The following SEL1L2 variants were observed in gnomAD, a reference collection of about 807,000 sequenced individuals.
SEL1L2 encodes the protein SEL1L2 adaptor subunit of SYVN1 ubiquitin ligase, also known as protein sel-1 homolog 2.
In SEL1L2, 89 loss-of-function variants were observed where a neutral mutation model predicts 98.8. The ratio of observed to expected loss-of-function variants is 0.90; its 90% CI spans 0.76 to 1.07. The LOEUF is 1.07. SEL1L2 is among the 50% of genes least tolerant of loss of function. The pLI is 0.00. For synonymous variants in SEL1L2, 262 were observed against 278.5 expected (o/e 0.94, Z 0.59); for missense variants, 788 against 812.0 (o/e 0.97, Z 0.36).
At chr20:13,950,814 A>C (rs2050224833) in intron 2 of SEL1L2, among the ~76,000 whole-genome samples, 1 of 152,162 alleles carries the variant, frequency 6.6e-6, no homozygotes, top group Admixed American at 6.5e-5. Context: ...GGGAGGGAGA[A>C]GGATACCTAC....
At chr20:13,944,162 G>A (rs1354413116) in intron 2 of SEL1L2, among the ~76,000 whole-genome samples, 2 of 152,198 alleles carry the variant, frequency 1.3e-5, no homozygotes, top group East Asian at 3.9e-4. Flanking sequence ...GGGTACTCCA[G>A]AGATAGCATG....
At chr20:13,967,418 T>A (rs2051099594) in intron 1 of SEL1L2, among the ~76,000 whole-genome samples, 1 of 152,134 alleles carries the variant, frequency 6.6e-6, no homozygotes, top group East Asian at 1.9e-4. Flanking sequence ...CAAAACAGAT[T>A]TAGTAATTCA....
At chr20:13,882,560 G>C (rs551270835) in intron 10 of SEL1L2, among the ~76,000 whole-genome samples, 1 of 152,104 alleles carries the variant, frequency 6.6e-6, no homozygotes, top group Non-Finnish European at 1.5e-5. Flanking sequence ...AGTCATTCTC[G>C]CAGTCACAGA....
intron 17 of SEL1L2, among the ~76,000 whole-genome samples, chr20:13,864,687 G>A (rs1035842870): frequency 6.6e-6 from 1 of 152,122 alleles, no homozygotes; most frequent in African/African-American, 2.4e-5. Flanking sequence ...ACATGCTAAT[G>A]ATTGTAGTAA....
At chr20:13,853,550 G>C (rs149050969) in intron 18 of SEL1L2, among the ~76,000 whole-genome samples, 83 of 152,278 alleles carry the variant, frequency 5.5e-4, no homozygotes, top group African/African-American at 1.9e-3. Flanking sequence ...AGAGTATATT[G>C]TAATAATGGT....
intron 5 of SEL1L2, among the ~76,000 whole-genome samples, chr20:13,912,704 T>C (rs1230515028): frequency 1.3e-5 from 2 of 152,182 alleles, no homozygotes; most frequent in African/African-American, 2.4e-5. Context: ...GAGACCCACA[T>C]TGGGTGGATG....
In SEL1L2 at chr20:13,869,563, G is replaced by T; in HGVS notation, c.1195C>A (p.Gln399Lys). 6.2e-7 allele frequency: 1 copy of T among 1,614,058 alleles called. No homozygotes were observed. The highest frequency in any genetic ancestry group is 8.5e-7 in the Non-Finnish European group (1 of 1,179,976). Residue 399 changes from glutamine (Q) to lysine (K), a missense_variant, in exon 14 of 20, where the codon CAG becomes AAG. Transcript: ENST00000284951. Reference sequence around the variant, plus strand: ...GGCCACCCTTTTTCCGCAGCTTTCTGAAAGTATTTAAGTGCTTCGGCATAA... The same window carrying T: ...GGCCACCCTTTTTCCGCAGCTTTCTTAAAGTATTTAAGTGCTTCGGCATAA... ...LNYAEALKYF[Q>K]KAAEKGWPDA...
intron 1 of SEL1L2, among the ~76,000 whole-genome samples, chr20:13,957,371 G>A (rs2050590835): frequency 6.6e-6 from 1 of 152,124 alleles, no homozygotes; most frequent in Non-Finnish European, 1.5e-5. Context: ...CAAAGTGCTG[G>A]GATTACAGGC....
upstream of SEL1L2, among the ~76,000 whole-genome samples, chr20:13,994,098 C>G (rs1421679554): frequency 6.6e-6 from 1 of 151,890 alleles, no homozygotes; most frequent in African/African-American, 2.4e-5. Flanking sequence ...AGGTCAAGAC[C>G]AGCCTGGCCA....
chr20:13,874,456 C>T (rs1043162246), intron 12 of SEL1L2, among the ~76,000 whole-genome samples: 6 of 152,114 alleles, frequency 3.9e-5, no homozygotes, highest in African/African-American at 1.4e-4. Flanking sequence ...GCACCGGAGA[C>T]CCAGATCACT....
At chr20:13,984,322 G>T (rs2148566766) in intron 1 of SEL1L2, among the ~76,000 whole-genome samples, 1 of 152,128 alleles carries the variant, frequency 6.6e-6, no homozygotes, top group South Asian at 2.1e-4. Context: ...TTGAAATCAG[G>T]TTTCTGTTCA....
At position 13,972,759 on chromosome 20, in the gene SEL1L2, G is replaced by A. The variant is rs2051342995; in HGVS notation, c.59-16628C>T. On this transcript the variant is annotated intron_variant, in intron 1 of 19. Transcript: ENST00000284951. ...ACTCAGTGTGGCTAAAGAATCTGAAGTCAAGAGGGTGCTTTTTGTTTGTAA... is the reference window on the plus strand; with the variant it reads ...ACTCAGTGTGGCTAAAGAATCTGAAATCAAGAGGGTGCTTTTTGTTTGTAA... Among the ~76,000 whole-genome samples the A allele has an allele frequency of 2.0e-5, 3 of 152,178 alleles. No individual in the cohort carries two copies. The South Asian group carries it at 6.2e-4, about 31-fold the overall frequency.
chr20:13,934,655 G>T (rs900996307), intron 2 of SEL1L2, among the ~76,000 whole-genome samples: 2 of 150,478 alleles, frequency 1.3e-5, no homozygotes, highest in Non-Finnish European at 3.0e-5. Context: ...GAATCAAATG[G>T]TAGTTCTACT....
chr20:13,990,509 T>A lies in SEL1L2; in HGVS notation c.26A>T (p.Glu9Val), dbSNP rs1204876417. 19 of 1,612,692 alleles carry A rather than the reference T, an allele frequency of 1.2e-5. No homozygotes were observed. Among genetic ancestry groups the A allele is most frequent in the Non-Finnish European group, 1.5e-5 (18 of 1,179,050 alleles). ...TGTGACCCCAAGAATTATCAATATC[T>A]CTATTAACAGAGACAAGGGCTTCAT... Reference protein sequence around the residue: MKPLSLLIEILIILGVTIK... With the variant: MKPLSLLIVILIILGVTIK... The change falls in exon 1 of 20, where the codon GAG becomes GTG. Residue 9 changes from glutamate to valine, a missense_variant. Transcript: ENST00000284951.
intron 1 of SEL1L2, among the ~76,000 whole-genome samples, chr20:13,975,283 T>C (rs1368080161): frequency 6.6e-6 from 1 of 152,214 alleles, no homozygotes; most frequent in Non-Finnish European, 1.5e-5. Context: ...TGGCTGTTTG[T>C]TCTATATGAA....
At chr20:13,926,181 T>G (rs1313872990) in intron 3 of SEL1L2, among the ~76,000 whole-genome samples, 1 of 152,116 alleles carries the variant, frequency 6.6e-6, no homozygotes, top group Non-Finnish European at 1.5e-5. Flanking sequence ...CCAGGCGTGG[T>G]GCAGGCGCCC....
intron 4 of SEL1L2, among the ~76,000 whole-genome samples, chr20:13,917,828 G>C (rs2048478055): frequency 8.6e-6 from 1 of 115,954 alleles, no homozygotes; most frequent in East Asian, 2.6e-4. Flanking sequence ...GATGGAGTCT[G>C]GCTTTGTCAC....
In SEL1L2 at chr20:13,972,098, T is replaced by C. The variant is rs866914493; in HGVS notation, c.59-15967A>G. 2.4e-4 allele frequency among the ~76,000 whole-genome samples: 36 copies of C among 152,296 alleles called. No homozygotes were observed. In the Middle Eastern group the frequency reaches 0.01, roughly 43 times the overall value. On this transcript the variant is annotated intron_variant, in intron 1 of 19. Transcript: ENST00000284951. ...TCTATGTTCCTCTTTGTGAAACTTA[T>C]CTTGGGAATTCCGGCGTAATTTCTT...
rs116067344 is a variant in SEL1L2, at chr20:13,856,607, T to C, written c.1818+2655A>G. ...GCAGTCAGTGAGACAAGGAGCTCAC[T>C]GGCTGAGACGCTTCTCAGTGAAGCT... On this transcript the variant is annotated intron_variant, in intron 18 of 19. Transcript: ENST00000284951. Among the ~76,000 whole-genome samples the C allele has an allele frequency of 3.0e-3, 463 of 152,286 alleles. 3 individuals carry two copies. Among genetic ancestry groups the C allele is most frequent in the African/African-American group, 0.01 (434 of 41,560 alleles).
Sources: allele counts gnomAD v4.1 joint callset (sites outside exome capture counted in the v4.1 genomes callset), GRCh38; gene constraint gnomAD v4.1.1; transcripts MANE v1.5; gene names NCBI Gene and HGNC (gene_info 2026-07-23, HGNC 2026-07-21).